Variants in PTGR3 observed in about 807,000 individuals in gnomAD.
PTGR3 encodes the protein zinc binding alcohol dehydrogenase domain containing 2.
chr18:75,202,457 A>G, the PTGR3 span: 2 of 857,542 alleles, frequency 2.3e-6, no homozygotes, highest in Non-Finnish European at 3.5e-6. Context: ...AAGCTATACA[A>G]TCTGATCGAA....
chr18:75,208,807 G>C, the PTGR3 span: 1 of 1,384,858 alleles, frequency 7.2e-7, no homozygotes, highest in African/African-American at 1.5e-5. Flanking sequence ...GCGCGAGCCC[G>C]GGGCGAGAAC....
chr18:75,205,804 C>CG, the PTGR3 span, among the ~76,000 whole-genome samples: 7 of 121,424 alleles, frequency 5.8e-5, no homozygotes, highest in Admixed American at 9.4e-5. Flanking sequence ...AGAAAAAAAG[C>CG]GGGGGGGAGG....
At chr18:75,204,486 C>T in the PTGR3 span, among the ~76,000 whole-genome samples, 1 of 152,322 alleles carries the variant, frequency 6.6e-6, no homozygotes, top group Non-Finnish European at 1.5e-5. Flanking sequence ...CCACACCAAA[C>T]ATCGTGGTTA....
the PTGR3 span, chr18:75,196,635 A>C: frequency 2.4e-3 from 144 of 60,162 alleles, 1 homozygote; most frequent in South Asian, 0.017. Context: ...CTTGTCCCAA[A>C]AAAAAAAAAA....
chr18:75,196,739 C>T, the PTGR3 span: 1 of 151,776 alleles, frequency 6.6e-6, no homozygotes, highest in East Asian at 1.9e-4. Flanking sequence ...GGATACTTAC[C>T]CTTAAGGGCA....
At chr18:75,196,137 AG>A in the PTGR3 span, 1 of 152,206 alleles carries the variant, frequency 6.6e-6, no homozygotes, top group Non-Finnish European at 1.5e-5. Flanking sequence ...TCAGTTCTTT[AG>A]GTGCCGAGGA....
At chr18:75,207,653 TC>T in the PTGR3 span, among the ~76,000 whole-genome samples, 1 of 149,264 alleles carries the variant, frequency 6.7e-6, no homozygotes, top group African/African-American at 2.5e-5. Context: ...GTTCAATCAT[TC>T]TTCCCAAAAG....
At chr18:75,208,840 C>T in the PTGR3 span, 44 of 1,487,448 alleles carry the variant, frequency 3.0e-5, no homozygotes, top group African/African-American at 4.4e-5. Context: ...TTGGGGGGCG[C>T]CGGGCTCACC....
the PTGR3 span, chr18:75,208,985 T>C: frequency 1.3e-6 from 2 of 1,593,990 alleles, no homozygotes; most frequent in Non-Finnish European, 1.7e-6. Context: ...GGCGGAGCCC[T>C]GGAAGTCCAG....
chr18:75,208,545 T>A, the PTGR3 span: 1 of 1,072,888 alleles, frequency 9.3e-7, no homozygotes, highest in Non-Finnish European at 1.1e-6. Context: ...GTCGGTTTTA[T>A]TTCGGGAGCG....
chr18:75,202,318 C>T, the PTGR3 span: 22 of 1,612,100 alleles, frequency 1.4e-5, no homozygotes, highest in South Asian at 2.3e-4. Flanking sequence ...TAGTTGATGT[C>T]AGATGCGTTA....
the PTGR3 span, chr18:75,196,313 G>A: frequency 6.6e-6 from 1 of 151,984 alleles, no homozygotes; most frequent in Non-Finnish European, 1.5e-5. Flanking sequence ...ATTTTGGCTT[G>A]GGGTGGAGGC....
chr18:75,205,039 C>T, the PTGR3 span, among the ~76,000 whole-genome samples: 1 of 152,152 alleles, frequency 6.6e-6, no homozygotes, highest in Non-Finnish European at 1.5e-5. Context: ...GAGCCCGCGG[C>T]GGCTCGGGTG....
At chr18:75,205,792 C>T in the PTGR3 span, among the ~76,000 whole-genome samples, 1 of 134,838 alleles carries the variant, frequency 7.4e-6, no homozygotes, top group Non-Finnish European at 1.6e-5. Context: ...GAAAGAAAGA[C>T]AAGAAAAAAA....
the PTGR3 span, chr18:75,208,747 G>A: frequency 2.5e-5 from 28 of 1,120,422 alleles, no homozygotes; most frequent in Middle Eastern, 9.9e-4. Context: ...AGCGCGCGCC[G>A]GAGTGTGGGC....
At chr18:75,199,328 T>C in the PTGR3 span, 1 of 152,586 alleles carries the variant, frequency 6.6e-6, no homozygotes, top group Non-Finnish European at 1.5e-5. Context: ...AGAAGCAATT[T>C]AGTTGGTAAT....
chr18:75,208,366 G>C, the PTGR3 span: 1 of 987,180 alleles, frequency 1.0e-6, no homozygotes, highest in Non-Finnish European at 1.2e-6. Context: ...CCAACCTGGA[G>C]GGAACAGGGA....
At chr18:75,207,065 G>A in the PTGR3 span, among the ~76,000 whole-genome samples, 1 of 152,186 alleles carries the variant, frequency 6.6e-6, no homozygotes, top group Non-Finnish European at 1.5e-5. Context: ...ACCCCACAGA[G>A]TTTATTAACA....
At chr18:75,209,105 GC>G in the PTGR3 span, 1 of 1,397,230 alleles carries the variant, frequency 7.2e-7, no homozygotes, top group Non-Finnish European at 9.3e-7. The surrounding 1 kb of genome is among the most constrained non-coding windows in gnomAD (Gnocchi z 4.7). Context: ...GCCGGGGTCG[GC>G]CCCCGCCCGG....
Sources: allele counts gnomAD v4.1 joint callset (sites outside exome capture counted in the v4.1 genomes callset), GRCh38; gene constraint gnomAD v4.1.1; non-coding constraint Gnocchi (gnomAD v3.1); transcripts MANE v1.5; gene names NCBI Gene and HGNC (gene_info 2026-07-23, HGNC 2026-07-21).